STEAP4: variants seen among roughly 807,000 people sequenced by gnomAD.
STEAP4 encodes STEAP4 metalloreductase, also known as metalloreductase STEAP4.
STEAP4 carries 36 observed loss-of-function variants against 43.6 expected under a neutral mutation model. The ratio of observed to expected loss-of-function variants is 0.83; its 90% CI spans 0.63 to 1.09. The LOEUF is 1.09. STEAP4 is among the 50% of genes least tolerant of loss of function. STEAP4 has a pLI of 0.00. For synonymous variants in STEAP4, 191 were observed against 196.7 expected, an observed-to-expected ratio of 0.97 and a Z score of 0.24; for missense variants, 495 against 546.5, an observed-to-expected ratio of 0.91 and a Z score of 0.94.
At position 88,278,445 on chromosome 7, in the gene STEAP4, A is replaced by G. The variant is rs1165666328; in HGVS notation, c.*953T>C. On this transcript the variant is annotated 3_prime_UTR_variant, in exon 5 of 5. Transcript: ENST00000380079. ...ACAGATATAGAAGCTACTTATTTAC[A>G]CTAGAAATTAATTTAATAGATGAAA... 1 of 152,240 alleles carries G rather than the reference A, an allele frequency of 6.6e-6. No homozygotes were observed. The highest frequency in any genetic ancestry group is 2.4e-5 in the African/African-American group (1 of 41,458). 9.4% of individuals were successfully genotyped at this position (152,240 alleles called of 1,614,324 possible).
chr7:88,285,343 G>T (rs551563682), intron 1 of STEAP4, among the ~76,000 whole-genome samples: 1 of 152,116 alleles, frequency 6.6e-6, no homozygotes, highest in African/African-American at 2.4e-5. Flanking sequence ...CAGGAGAAGA[G>T]AACTTATATA....
intron 1 of STEAP4, among the ~76,000 whole-genome samples, 189 bp downstream of exon 1, chr7:88,306,603 T>G (rs542612733): frequency 6.6e-6 from 1 of 152,348 alleles, no homozygotes; most frequent in Admixed American, 6.5e-5. Flanking sequence ...CTCCAGGAAG[T>G]TAGAAGCTTG....
rs573410789 is a variant in STEAP4 at position 88,303,432 on chromosome 7, G to C, written c.-3+3360C>G. Reference sequence around the variant, plus strand: ...AACTGCTTGAACCCAAGGAGCAGAGGTTGCAGTGAGGCAAGATCCTGCCAC... The same window carrying C: ...AACTGCTTGAACCCAAGGAGCAGAGCTTGCAGTGAGGCAAGATCCTGCCAC... On this transcript the variant is annotated intron_variant, in intron 1 of 4. Coordinates refer to ENST00000380079, the MANE Select transcript of STEAP4 (RefSeq NM_024636.4). Among the ~76,000 whole-genome samples the C allele has an allele frequency of 1.1e-4, 17 of 150,300 alleles. No homozygotes were observed. The South Asian group carries it at 3.6e-3, about 32-fold the overall frequency.
At chr7:88,303,549 C>A (rs1007189011) in intron 1 of STEAP4, among the ~76,000 whole-genome samples, 1 of 151,648 alleles carries the variant, frequency 6.6e-6, no homozygotes, top group African/African-American at 2.4e-5. Context: ...TATGTGACTG[C>A]CAAAGTACAG....
chr7:88,296,705 T>TA (rs960643153), intron 1 of STEAP4, among the ~76,000 whole-genome samples: 15 of 151,970 alleles, frequency 9.9e-5, no homozygotes, highest in Admixed American at 2.0e-4. Context: ...CAAAAAATAT[T>TA]AAAAAAAATA....
chr7:88,300,063 G>T (rs1586754108), intron 1 of STEAP4, among the ~76,000 whole-genome samples: 1 of 152,170 alleles, frequency 6.6e-6, no homozygotes. Context: ...CCTTGCAGCT[G>T]CTCCATTTCT....
rs1380439065 is a variant in STEAP4 at position 88,274,383 on chromosome 7, G to A, written c.*5015C>T. On this transcript the variant is annotated 3_prime_UTR_variant, in exon 5 of 5. Transcript: ENST00000380079. ...TGGCTTTTGCTGGGTAATGGCAAGA[G>A]CACTGTCTTGCTCTTCCACACTCCC... 1 of 152,190 alleles carries A rather than the reference G, an allele frequency of 6.6e-6. No individual in the cohort carries two copies. Among genetic ancestry groups the A allele is most frequent in the Non-Finnish European group, 1.5e-5 (1 of 68,046 alleles). The allele number at this position is 152,190 out of a possible 1,614,324, so 9.4% of individuals were successfully genotyped here.
intron 1 of STEAP4, among the ~76,000 whole-genome samples, chr7:88,290,645 AT>A (rs1852819698): frequency 6.6e-6 from 1 of 152,196 alleles, no homozygotes; most frequent in South Asian, 2.1e-4. Context: ...CCAGAACGCT[AT>A]GCTGAAACTC....
chr7:88,291,533 C>T (rs1245403589), intron 1 of STEAP4, among the ~76,000 whole-genome samples: 1 of 151,636 alleles, frequency 6.6e-6, no homozygotes, highest in Non-Finnish European at 1.5e-5. Flanking sequence ...TATGCACACT[C>T]TCAACCACAA....
rs111565504 is a variant in STEAP4 at position 88,276,903 on chromosome 7, C to T, written c.*2495G>A. On this transcript the variant is annotated 3_prime_UTR_variant, in exon 5 of 5. Coordinates refer to ENST00000380079, the MANE Select transcript of STEAP4 (RefSeq NM_024636.4). ...GCTTCATGAATTGCTTTTAACTACT[C>T]AGGTAGAGCATTTTTACTAGGCTAT... The T allele has an allele frequency of 6.6e-6, 1 of 152,218 alleles. No individual in the cohort carries two copies. The highest frequency in any genetic ancestry group is 2.4e-5 in the African/African-American group (1 of 41,432). 9.4% of individuals were successfully genotyped at this position (152,218 alleles called of 1,614,324 possible). A position where few individuals can be genotyped will look rare whatever the true frequency, so the allele number is the denominator to read the frequency against.
intron 1 of STEAP4, chr7:88,290,795 A>G (rs1852821135): frequency 6.6e-6 from 1 of 152,190 alleles, no homozygotes. Flanking sequence ...AGGAGAATCC[A>G]CCATGGCCCA....
At chr7:88,281,775 G>A (rs753247468) in intron 3 of STEAP4, 1 of 152,150 alleles carries the variant, frequency 6.6e-6, no homozygotes, top group Non-Finnish European at 1.5e-5. Context: ...TTTTGATTAT[G>A]CATAAGACAA....
At chr7:88,295,334 T>C (rs1389699589) in intron 1 of STEAP4, among the ~76,000 whole-genome samples, 1 of 152,160 alleles carries the variant, frequency 6.6e-6, no homozygotes, top group African/African-American at 2.4e-5. Context: ...TGCAAAGGTC[T>C]ACACTAAGGC....
Position 88,270,915 on chromosome 7 carries a change from TA to T in STEAP4, c.*8482del, listed in dbSNP as rs1371386449. ...AATTTTTTGTTTATAATTTTTTAAT[TA>T]AAAATTTTTAATTGACACACGATAA... On this transcript the variant is annotated 3_prime_UTR_variant, in exon 5 of 5. Coordinates refer to ENST00000380079, the MANE Select transcript of STEAP4 (RefSeq NM_024636.4). The T allele has an allele frequency of 2.6e-5, 4 of 152,116 alleles. No individual in the cohort carries two copies. The highest frequency in any genetic ancestry group is 9.7e-5 in the African/African-American group (4 of 41,448). The allele number at this position is 152,116 out of a possible 1,614,324, so 9.4% of individuals were successfully genotyped here.
At chr7:88,298,049 T>C (rs1482974523) in intron 1 of STEAP4, among the ~76,000 whole-genome samples, 1 of 152,130 alleles carries the variant, frequency 6.6e-6, no homozygotes, top group Non-Finnish European at 1.5e-5. Flanking sequence ...GCTTGGGTAC[T>C]CAAAGTATGG....
At chr7:88,288,786 C>T (rs1852784889) in intron 1 of STEAP4, among the ~76,000 whole-genome samples, 1 of 151,854 alleles carries the variant, frequency 6.6e-6, no homozygotes, top group Non-Finnish European at 1.5e-5. Context: ...ATATAAAAGA[C>T]TTCTAAACAC....
At chr7:88,289,438 T>A (rs764325822) in intron 1 of STEAP4, among the ~76,000 whole-genome samples, 1 of 152,208 alleles carries the variant, frequency 6.6e-6, no homozygotes, top group Non-Finnish European at 1.5e-5. Flanking sequence ...TCAATTCTCC[T>A]ATGGTGGATT....
At chr7:88,285,298 T>A (rs1033242787) in intron 1 of STEAP4, among the ~76,000 whole-genome samples, 3 of 152,126 alleles carry the variant, frequency 2.0e-5, no homozygotes, top group Non-Finnish European at 4.4e-5. Context: ...ATGTGCAACA[T>A]ATGTATGAAA....
intron 1 of STEAP4, among the ~76,000 whole-genome samples, chr7:88,288,899 A>G (rs1254229185): frequency 1.3e-5 from 2 of 152,238 alleles, no homozygotes; most frequent in Non-Finnish European, 2.9e-5. Context: ...TAAATAAAAA[A>G]CAAACCAGTT....
Sources: allele counts gnomAD v4.1 joint callset (sites outside exome capture counted in the v4.1 genomes callset), GRCh38; gene constraint gnomAD v4.1.1; transcripts MANE v1.5; gene names NCBI Gene and HGNC (gene_info 2026-07-23, HGNC 2026-07-21).